Variants in KCNQ1 observed in about 807,000 individuals in gnomAD.
The protein encoded by KCNQ1 is potassium voltage-gated channel subfamily KQT member 1.
Under a neutral mutation model 72.4 loss-of-function variants are expected in KCNQ1, and 49 were observed. That is an observed-to-expected ratio of 0.68 (90% CI 0.54 to 0.86). The LOEUF (loss-of-function observed/expected upper bound fraction) is 0.86. Among genes scored for constraint, KCNQ1 ranks in the 40% least tolerant of loss-of-function variants. The pLI, the probability that KCNQ1 is intolerant of heterozygous loss-of-function variation, is 0.00. For synonymous variants in KCNQ1, 450 were observed against 412.6 expected (o/e 1.09, Z -1.10); for missense variants, 790 against 945.1 (o/e 0.84, Z 2.15).
Position 2,536,738 on chromosome 11 carries a change from G to A in KCNQ1, c.477+8720G>A, listed in dbSNP as rs930934222. 1.3e-5 allele frequency among the ~76,000 whole-genome samples: 2 copies of A among 150,876 alleles called. No homozygotes were observed. Among genetic ancestry groups the A allele is most frequent in the African/African-American group, 5.0e-5 (2 of 40,222 alleles). On this transcript the variant is annotated intron_variant, in intron 2 of 15. Coordinates refer to ENST00000155840, the MANE Select transcript of KCNQ1 (RefSeq NM_000218.3). The surrounding 1 kb of genome is among the most constrained non-coding windows in gnomAD (Gnocchi z 7.4). Reference sequence around the variant, plus strand: ...GCCTATCTCCAGCCACGTGGGTCGCGAGAGTCGACCTGGGCTGCGTGATGG... The same window carrying A: ...GCCTATCTCCAGCCACGTGGGTCGCAAGAGTCGACCTGGGCTGCGTGATGG...
rs1401089246 is a variant in KCNQ1, at chr11:2,824,340, C to G, written c.1795-23427C>G. ...ACGAGAGGGGATTTGGAGACACAAT[C>G]CCCAGACTTGGGGACGAGCTGGATA... On this transcript the variant is annotated intron_variant, in intron 15 of 15. Transcript: ENST00000155840. This position sits in a 1 kb window ranked among gnomAD's most constrained non-coding sequence, Gnocchi z 5.9. 6.6e-6 allele frequency among the ~76,000 whole-genome samples: 1 copy of G among 152,054 alleles called. No homozygotes were observed. The highest frequency in any genetic ancestry group is 1.5e-5 in the Non-Finnish European group (1 of 68,008).
Position 2,670,331 on chromosome 11 carries a change from G to C in KCNQ1, c.1514+8250G>C, listed in dbSNP as rs957982432. On this transcript the variant is annotated intron_variant, in intron 11 of 15. Coordinates refer to ENST00000155840, the MANE Select transcript of KCNQ1 (RefSeq NM_000218.3). This position sits in a 1 kb window ranked among gnomAD's most constrained non-coding sequence, Gnocchi z 4.9. ...AGATAATCTCAAATATGGTAGCAGA[G>C]TTCAGACTCAGTGGCTTTCAGATGG... 1.5e-5 allele frequency: 6 copies of C among 398,472 alleles called. No individual in the cohort carries two copies. The highest frequency in any genetic ancestry group is 4.4e-5 in the Admixed American group (1 of 22,716). 24.7% of individuals were successfully genotyped at this position (398,472 alleles called of 1,614,324 possible).
chr11:2,812,223 T>C (rs1483421051), intron 15 of KCNQ1, among the ~76,000 whole-genome samples: 2 of 152,178 alleles, frequency 1.3e-5, no homozygotes, highest in East Asian at 1.9e-4. Context: ...AAGAAGGAAA[T>C]GTGTCAACTC....
At position 2,549,543 on chromosome 11, in the gene KCNQ1, C is replaced by A. The variant is rs933052308; in HGVS notation, c.478-21085C>A. On this transcript the variant is annotated intron_variant, in intron 2 of 15. Coordinates refer to ENST00000155840, the MANE Select transcript of KCNQ1 (RefSeq NM_000218.3). This position sits in a 1 kb window ranked among gnomAD's most constrained non-coding sequence, Gnocchi z 6.2. ...AGTGGAGTGTCACCGGGTGTCCCGGCGTGGGCAGGTCCTGTTGTGGAGCCT... is the reference window on the plus strand; with the variant it reads ...AGTGGAGTGTCACCGGGTGTCCCGGAGTGGGCAGGTCCTGTTGTGGAGCCT... Among the ~76,000 whole-genome samples the A allele has an allele frequency of 1.3e-5, 2 of 150,388 alleles. No individual in the cohort carries two copies. The highest frequency in any genetic ancestry group is 4.9e-5 in the African/African-American group (2 of 40,404).
chr11:2,622,633 C>CT (rs558561618), intron 10 of KCNQ1: 24 of 398,338 alleles, frequency 6.0e-5, no homozygotes, highest in Non-Finnish European at 9.7e-5. Context: ...CCCTTACTGC[C>CT]TTTTTTTGTG....
intron 8 of KCNQ1, 139 bp downstream of exon 8, chr11:2,585,446 A>G: frequency 7.6e-6 from 6 of 792,722 alleles, no homozygotes; most frequent in Non-Finnish European, 1.1e-5. Flanking sequence ...CTGCTTGTGG[A>G]AGCCTTGGCT....
At chr11:2,521,394 GCC>G in intron 1 of KCNQ1, 1 of 417,840 alleles carries the variant, frequency 2.4e-6, no homozygotes, top group Admixed American at 2.5e-5. Flanking sequence ...TCCTCAAGGT[GCC>G]TCTCTGCTCA....
At chr11:2,480,021 A>G (rs1231959897) in intron 1 of KCNQ1, among the ~76,000 whole-genome samples, 1 of 152,178 alleles carries the variant, frequency 6.6e-6, no homozygotes, top group Non-Finnish European at 1.5e-5. Context: ...GTCATCTTTA[A>G]TCCACTTCCC....
intron 15 of KCNQ1, among the ~76,000 whole-genome samples, chr11:2,804,915 C>T (rs1166146736): frequency 2.0e-5 from 3 of 152,202 alleles, no homozygotes; most frequent in Admixed American, 6.5e-5. Context: ...CTCAGGTCAC[C>T]GGAACATGTG....
chr11:2,642,702 T>G lies in KCNQ1; in HGVS notation c.1394-19259T>G. 1 of 397,944 alleles carries G rather than the reference T, an allele frequency of 2.5e-6. No homozygotes were observed. Among genetic ancestry groups the G allele is most frequent in the Non-Finnish European group, 4.4e-6 (1 of 225,698 alleles). 24.7% of individuals were successfully genotyped at this position (397,944 alleles called of 1,614,324 possible). A position where few individuals can be genotyped will look rare whatever the true frequency, so the allele number is the denominator to read the frequency against. ...CGTTATTTCTTTCCTTCTACTAATT[T>G]TATGTTTAGTATGGTTTGTTCTTGC... On this transcript the variant is annotated intron_variant, in intron 10 of 15. Coordinates refer to ENST00000155840, the MANE Select transcript of KCNQ1 (RefSeq NM_000218.3). This position sits in a 1 kb window ranked among gnomAD's most constrained non-coding sequence, Gnocchi z 4.3.
At chr11:2,755,168 C>T (rs561370130) in intron 11 of KCNQ1, among the ~76,000 whole-genome samples, 5 of 149,452 alleles carry the variant, frequency 3.3e-5, no homozygotes, top group African/African-American at 1.2e-4. Flanking sequence ...CATCATGTTC[C>T]TCCTCTCTGA....
chr11:2,717,224 G>A (rs987900663), intron 11 of KCNQ1, among the ~76,000 whole-genome samples: 8 of 152,294 alleles, frequency 5.3e-5, no homozygotes, highest in East Asian at 3.9e-4. Context: ...CAGACCCCAC[G>A]GCTTGGTCGG....
intron 1 of KCNQ1, among the ~76,000 whole-genome samples, chr11:2,489,376 T>C (rs1846796845): frequency 6.6e-6 from 1 of 152,148 alleles, no homozygotes; most frequent in East Asian, 1.9e-4. Context: ...CAGAGGGGAA[T>C]CACATATCTC....
Position 2,642,874 on chromosome 11 carries a change from T to C in KCNQ1, c.1394-19087T>C, listed in dbSNP as rs1358035338. On this transcript the variant is annotated intron_variant, in intron 10 of 15. Coordinates refer to ENST00000155840, the MANE Select transcript of KCNQ1 (RefSeq NM_000218.3). This position sits in a 1 kb window ranked among gnomAD's most constrained non-coding sequence, Gnocchi z 4.3. ...CAGAATGTTGTGCTTCTATTTTCACTTGTTTCAGTAAATTTTTTATTTCTG... is the reference window on the plus strand; with the variant it reads ...CAGAATGTTGTGCTTCTATTTTCACCTGTTTCAGTAAATTTTTTATTTCTG... 6 of 397,818 alleles carry C rather than the reference T, an allele frequency of 1.5e-5. No individual in the cohort carries two copies. The highest frequency in any genetic ancestry group is 2.7e-5 in the Non-Finnish European group (6 of 225,680). The allele number at this position is 397,818 out of a possible 1,614,324, so 24.6% of individuals were successfully genotyped here. A position where few individuals can be genotyped will look rare whatever the true frequency, so the allele number is the denominator to read the frequency against.
Position 2,752,003 on chromosome 11 carries a change from T to A in KCNQ1, c.1515-16841T>A, listed in dbSNP as rs1195850077. Among the ~76,000 whole-genome samples, 1 of 152,250 alleles carries A rather than the reference T, an allele frequency of 6.6e-6. No homozygotes were observed. Among genetic ancestry groups the A allele is most frequent in the Admixed American group, 6.5e-5 (1 of 15,286 alleles). On this transcript the variant is annotated intron_variant, in intron 11 of 15. Coordinates refer to ENST00000155840, the MANE Select transcript of KCNQ1 (RefSeq NM_000218.3). This position sits in a 1 kb window ranked among gnomAD's most constrained non-coding sequence, Gnocchi z 5.2. Reference sequence around the variant, plus strand: ...CACTTTCTCGGTTGCCGCTGCCACCTTGGCACCTCTCTGGGGTACCTTGTA... The same window carrying A: ...CACTTTCTCGGTTGCCGCTGCCACCATGGCACCTCTCTGGGGTACCTTGTA...
chr11:2,559,135 C>G lies in KCNQ1; in HGVS notation c.478-11493C>G, dbSNP rs946912505. Among the ~76,000 whole-genome samples the G allele has an allele frequency of 6.6e-6, 1 of 152,020 alleles. No individual in the cohort carries two copies. Among genetic ancestry groups the G allele is most frequent in the Non-Finnish European group, 1.5e-5 (1 of 67,984 alleles). ...CCTTGGCCTGCAGGGAGGTTTTGCT[C>G]AAGGAGTGTCCCTTGAGCAAAATAT... On this transcript the variant is annotated intron_variant, in intron 2 of 15. Coordinates refer to ENST00000155840, the MANE Select transcript of KCNQ1 (RefSeq NM_000218.3). This position sits in a 1 kb window ranked among gnomAD's most constrained non-coding sequence, Gnocchi z 4.9.
At chr11:2,606,370 TG>T (rs919326232) in intron 10 of KCNQ1, among the ~76,000 whole-genome samples, 5 of 152,080 alleles carry the variant, frequency 3.3e-5, no homozygotes, top group Admixed American at 6.5e-5. Flanking sequence ...TGGGGTCTGG[TG>T]GGGGGTGTCT....
chr11:2,502,365 T>C (rs967684048), intron 1 of KCNQ1, among the ~76,000 whole-genome samples: 1 of 152,180 alleles, frequency 6.6e-6, no homozygotes, highest in Non-Finnish European at 1.5e-5. Context: ...AAAGTCAACA[T>C]ACAAAAATCA....
At position 2,827,830 on chromosome 11, in the gene KCNQ1, G is replaced by A. The variant is rs562614641; in HGVS notation, c.1795-19937G>A. Among the ~76,000 whole-genome samples the A allele has an allele frequency of 9.9e-5, 15 of 152,170 alleles. No homozygotes were observed. Among genetic ancestry groups the A allele is most frequent in the Admixed American group, 5.2e-4 (8 of 15,286 alleles). ...CAGGTATGTGGTGGTACTGTTTTCC[G>A]GAATGAAGAGGAAGGGGCGGGCAGA... On this transcript the variant is annotated intron_variant, in intron 15 of 15. Transcript: ENST00000155840. The surrounding 1 kb of genome is among the most constrained non-coding windows in gnomAD (Gnocchi z 6.7).
Sources: allele counts gnomAD v4.1 joint callset (sites outside exome capture counted in the v4.1 genomes callset), GRCh38; gene constraint gnomAD v4.1.1; non-coding constraint Gnocchi (gnomAD v3.1); transcripts MANE v1.5; gene names NCBI Gene and HGNC (gene_info 2026-07-23, HGNC 2026-07-21).